The following SGCD variants were observed in gnomAD, a reference collection of about 807,000 sequenced individuals.
SGCD encodes the protein delta-sarcoglycan.
A neutral mutation model predicts 36.6 loss-of-function variants in SGCD; 18 were observed. The ratio of observed to expected loss-of-function variants is 0.49; its 90% confidence interval spans 0.34 to 0.73. The LOEUF (loss-of-function observed/expected upper bound fraction) is 0.73. SGCD is among the 30% of genes least tolerant of loss of function. The pLI is 0.01. For synonymous variants in SGCD, 133 were observed against 130.6 expected (o/e 1.02, Z -0.12); for missense variants, 387 against 346.7 (o/e 1.12, Z -0.92).
intron 3 of SGCD, among the ~76,000 whole-genome samples, chr5:156,362,942 C>T (rs1415365787): frequency 6.6e-6 from 1 of 152,054 alleles, no homozygotes; most frequent in African/African-American, 2.4e-5. Flanking sequence ...CAAAATATGG[C>T]TTTACATCTG....
chr5:156,538,253 C>T (rs902114485), intron 4 of SGCD, among the ~76,000 whole-genome samples: 3 of 152,076 alleles, frequency 2.0e-5, no homozygotes, highest in African/African-American at 7.2e-5. Context: ...AAGAAAACTG[C>T]AATGAAAGGA....
chr5:156,429,827 A>G (rs1270299976), intron 3 of SGCD, among the ~76,000 whole-genome samples: 1 of 152,162 alleles, frequency 6.6e-6, no homozygotes, highest in Non-Finnish European at 1.5e-5. Flanking sequence ...GTTTTGTTTA[A>G]GGAGACCAAA....
chr5:156,143,707 C>G (rs1399276073), intron 3 of SGCD, among the ~76,000 whole-genome samples: 1 of 152,070 alleles, frequency 6.6e-6, no homozygotes, highest in African/African-American at 2.4e-5. Flanking sequence ...TGCATACGGC[C>G]TGCAGCCTCA....
At chr5:156,091,492 C>A (rs569202814) in intron 1 of SGCD, among the ~76,000 whole-genome samples, 1 of 152,148 alleles carries the variant, frequency 6.6e-6, no homozygotes, top group Non-Finnish European at 1.5e-5. Flanking sequence ...CAGTAGTCAC[C>A]GCAGCATACC....
chr5:156,193,286 G>A (rs575220249), intron 3 of SGCD, among the ~76,000 whole-genome samples: 1 of 152,092 alleles, frequency 6.6e-6, no homozygotes, highest in Non-Finnish European at 1.5e-5. Context: ...TTGATTTCCA[G>A]CCATACAGGA....
intron 3 of SGCD, among the ~76,000 whole-genome samples, chr5:156,220,425 C>A (rs1040352394): frequency 1.3e-5 from 2 of 152,080 alleles, no homozygotes; most frequent in Non-Finnish European, 2.9e-5. Flanking sequence ...CTTTATAAAT[C>A]AAAATCTTCA....
At chr5:156,174,710 C>T (rs1341045768) in intron 3 of SGCD, among the ~76,000 whole-genome samples, 1 of 151,122 alleles carries the variant, frequency 6.6e-6, no homozygotes, top group East Asian at 2.0e-4. Flanking sequence ...AGCAAGATCT[C>T]CACAGTGTTC....
At chr5:156,101,941 TGAGA>T (rs67401229) in intron 1 of SGCD, among the ~76,000 whole-genome samples, 1,992 of 138,146 alleles carry the variant, frequency 0.014, 24 homozygotes, top group Middle Eastern at 0.023. Context: ...TGTGTGTGTG[TGAGA>T]GAGAGAGAGA....
intron 2 of SGCD, chr5:156,123,729 T>G: frequency 6.6e-6 from 1 of 152,210 alleles, no homozygotes; most frequent in Non-Finnish European, 1.5e-5. Flanking sequence ...TCTGCAATTT[T>G]ATGACAAACA....
chr5:156,027,400 T>C (rs1269880243), intron 1 of SGCD, among the ~76,000 whole-genome samples: 1 of 152,160 alleles, frequency 6.6e-6, no homozygotes, highest in Non-Finnish European at 1.5e-5. Flanking sequence ...CCTGCCTATG[T>C]GGGGACAAAC....
chr5:156,295,927 T>A (rs1766881115), intron 3 of SGCD, among the ~76,000 whole-genome samples: 1 of 152,124 alleles, frequency 6.6e-6, no homozygotes, highest in African/African-American at 2.4e-5. Context: ...TACTTACAAA[T>A]CCCAGCTAGA....
chr5:156,615,165 C>G (rs1761973654), intron 6 of SGCD, among the ~76,000 whole-genome samples: 1 of 152,104 alleles, frequency 6.6e-6, no homozygotes. Context: ...ACATAAAGGC[C>G]AGTGCAACTA....
At chr5:156,577,054 T>C (rs1759991923) in intron 4 of SGCD, among the ~76,000 whole-genome samples, 1 of 152,252 alleles carries the variant, frequency 6.6e-6, no homozygotes, top group African/African-American at 2.4e-5. Flanking sequence ...GTTTTAGGTC[T>C]AACATTTAAG....
At chr5:155,888,774 C>A (rs970946760) in intron 1 of SGCD, among the ~76,000 whole-genome samples, 1 of 152,160 alleles carries the variant, frequency 6.6e-6, no homozygotes, top group African/African-American at 2.4e-5. Flanking sequence ...GGGAGAAGGT[C>A]AGAGTGACCT....
intron 1 of SGCD, among the ~76,000 whole-genome samples, chr5:155,989,933 A>G (rs976007900): frequency 2.0e-5 from 3 of 152,230 alleles, no homozygotes; most frequent in Non-Finnish European, 4.4e-5. Flanking sequence ...AATAAATGCC[A>G]GACTGATAGC....
intron 1 of SGCD, among the ~76,000 whole-genome samples, chr5:156,070,448 T>C (rs1240575095): frequency 2.7e-5 from 4 of 150,804 alleles, no homozygotes; most frequent in Admixed American, 2.6e-4. Context: ...GATTTGTGTA[T>C]ATTGAACCAG....
intron 3 of SGCD, among the ~76,000 whole-genome samples, chr5:156,281,898 A>G (rs1248596722): frequency 6.6e-6 from 1 of 152,108 alleles, no homozygotes; most frequent in Non-Finnish European, 1.5e-5. Context: ...TTCCAAGCTT[A>G]TATTTTCACA....
At chr5:156,148,149 AAGAC>A (rs1762749710) in intron 3 of SGCD, among the ~76,000 whole-genome samples, 2 of 152,364 alleles carry the variant, frequency 1.3e-5, no homozygotes, top group South Asian at 4.1e-4. Context: ...TGAGAAAAGA[AAGAC>A]AAATGTGAAC....
At chr5:156,702,641 T>C (rs910403937) in intron 7 of SGCD, among the ~76,000 whole-genome samples, 1 of 152,128 alleles carries the variant, frequency 6.6e-6, no homozygotes, top group Non-Finnish European at 1.5e-5. Flanking sequence ...TATGTGGCAA[T>C]AGTTATATTT....
Sources: gnomAD v4.1 joint callset for allele counts (sites outside exome capture counted in the v4.1 genomes callset) on GRCh38, gnomAD v4.1.1 for gene constraint, MANE v1.5 for transcripts, NCBI Gene and HGNC (gene_info 2026-07-23, HGNC 2026-07-21) for gene names.